Variants in SNX27 observed in about 807,000 individuals in gnomAD.
The protein encoded by SNX27 is sorting nexin 27.
In SNX27, 22 loss-of-function variants were observed where a neutral mutation model predicts 71.6. That is an observed-to-expected ratio of 0.31 (90% CI 0.22 to 0.44). The LOEUF is 0.44. Ranked by LOEUF, SNX27 falls within the 20% of genes least tolerant of loss-of-function variation. The pLI is 1.00. For missense variants in SNX27, 531 were observed against 698.6 expected (o/e 0.76, Z 2.70); for synonymous variants, 269 against 277.2 (o/e 0.97, Z 0.29).
intron 1 of SNX27, among the ~76,000 whole-genome samples, chr1:151,625,248 T>A (rs1396700236): frequency 2.0e-5 from 3 of 152,094 alleles, no homozygotes; most frequent in African/African-American, 7.2e-5. Context: ...GGCTGACGCC[T>A]GTAATCCCAG....
chr1:151,652,927 C>CTTTTTT (rs34826631), intron 2 of SNX27, among the ~76,000 whole-genome samples: 1 of 109,484 alleles, frequency 9.1e-6, no homozygotes, highest in African/African-American at 3.2e-5. Context: ...TGTTGGGTTT[C>CTTTTTT]TTTTTTTTTT....
chr1:151,690,250 G>A (rs140425506), intron 8 of SNX27, among the ~76,000 whole-genome samples: 23 of 152,240 alleles, frequency 1.5e-4, no homozygotes, highest in African/African-American at 5.5e-4. Flanking sequence ...TGCCATTCAT[G>A]TTGCCTCTAT....
chr1:151,617,405 A>T (rs1351736136), intron 1 of SNX27, among the ~76,000 whole-genome samples: 1 of 152,108 alleles, frequency 6.6e-6, no homozygotes, highest in Admixed American at 6.6e-5. Flanking sequence ...CAGCTTCCCA[A>T]GCAGCTGGGA....
chr1:151,672,296 C>T (rs1394567933), intron 7 of SNX27, among the ~76,000 whole-genome samples: 3 of 152,140 alleles, frequency 2.0e-5, no homozygotes, highest in Non-Finnish European at 4.4e-5. Flanking sequence ...TGCTGTGTCA[C>T]ATTGATTGAT....
At chr1:151,617,980 C>T (rs769071836) in intron 1 of SNX27, among the ~76,000 whole-genome samples, 31 of 147,764 alleles carry the variant, frequency 2.1e-4, no homozygotes, top group Non-Finnish European at 3.9e-4. Context: ...CTCAGCCTTC[C>T]GAGTAGCTGG....
intron 2 of SNX27, among the ~76,000 whole-genome samples, chr1:151,650,170 C>T (rs866551143): frequency 1.1e-4 from 17 of 152,144 alleles, no homozygotes; most frequent in African/African-American, 3.1e-4. Flanking sequence ...TTACAGGTGT[C>T]GGCCACCGCA....
intron 8 of SNX27, among the ~76,000 whole-genome samples, chr1:151,691,383 A>T (rs182486089): frequency 8.6e-4 from 131 of 152,198 alleles, no homozygotes; most frequent in Non-Finnish European, 1.6e-3. Context: ...GACTAAACAG[A>T]ATTGTGAGAC....
chr1:151,696,651 G>GTTTTTT lies in SNX27; in HGVS notation c.*2247_*2252dup, dbSNP rs5777782. The GTTTTTT allele has an allele frequency of 1.8e-5, 2 of 113,680 alleles. No homozygotes were observed. The highest frequency in any genetic ancestry group is 7.2e-5 in the African/African-American group (2 of 27,854). 7.0% of individuals were successfully genotyped at this position (113,680 alleles called of 1,614,324 possible). ...CCCCTTCCTTCCTTCCTTTTTTTCT[G>GTTTTTT]TTTTTTTTTTTTTTTTTTCCCAGAG... On this transcript the variant is annotated 3_prime_UTR_variant, in exon 12 of 12. Coordinates refer to ENST00000458013, the MANE Select transcript of SNX27 (RefSeq NM_001330723.2).
chr1:151,672,527 CCCT>C (rs1198478989), intron 7 of SNX27, among the ~76,000 whole-genome samples: 1 of 151,876 alleles, frequency 6.6e-6, no homozygotes, highest in Non-Finnish European at 1.5e-5. Context: ...TAGAAGTATT[CCCT>C]CCTCCTCTCT....
At chr1:151,690,248 A>C (rs568733155) in intron 8 of SNX27, among the ~76,000 whole-genome samples, 14 of 152,204 alleles carry the variant, frequency 9.2e-5, no homozygotes, top group African/African-American at 3.4e-4. Context: ...TCTGCCATTC[A>C]TGTTGCCTCT....
intron 1 of SNX27, among the ~76,000 whole-genome samples, chr1:151,636,099 A>G (rs1255946201): frequency 6.6e-6 from 1 of 152,198 alleles, no homozygotes; most frequent in Non-Finnish European, 1.5e-5. Context: ...TAGGCACATA[A>G]AAAGAATTTT....
chr1:151,666,403 A>G (rs1359500675), intron 6 of SNX27: 1 of 156,888 alleles, frequency 6.4e-6, no homozygotes, highest in African/African-American at 2.4e-5. Context: ...AGTTAGGAAG[A>G]TATGTGTTGG....
chr1:151,672,960 A>G (rs1388609503), intron 7 of SNX27, among the ~76,000 whole-genome samples: 2 of 143,706 alleles, frequency 1.4e-5, no homozygotes, highest in South Asian at 4.3e-4. Flanking sequence ...GTATTTTTTT[A>G]TTTCAATTTA....
chr1:151,670,735 G>A (rs1015588759), intron 7 of SNX27, among the ~76,000 whole-genome samples: 1 of 151,890 alleles, frequency 6.6e-6, no homozygotes, highest in Admixed American at 6.6e-5. Flanking sequence ...TCTGTGAGTT[G>A]CTTTTTCACT....
intron 2 of SNX27, among the ~76,000 whole-genome samples, chr1:151,651,453 CT>C (rs1669365639): frequency 6.7e-6 from 1 of 150,076 alleles, no homozygotes. Context: ...GATGGGGCGG[CT>C]GCCGGGCAGA....
At chr1:151,675,549 T>TTGTTC (rs775525296) in intron 7 of SNX27, among the ~76,000 whole-genome samples, 13 of 150,564 alleles carry the variant, frequency 8.6e-5, no homozygotes, top group Non-Finnish European at 1.6e-4. Flanking sequence ...CAGAGTTTTT[T>TTGTTC]TGTTTTGTTT....
intron 1 of SNX27, chr1:151,613,093 T>A (rs1010360311): frequency 6.6e-6 from 1 of 152,494 alleles, no homozygotes; most frequent in Non-Finnish European, 1.5e-5. Flanking sequence ...CTTTCCTTAG[T>A]TACCCTCTCC....
chr1:151,670,965 G>A (rs1670431437), intron 7 of SNX27, among the ~76,000 whole-genome samples: 1 of 152,094 alleles, frequency 6.6e-6, no homozygotes, highest in Non-Finnish European at 1.5e-5. Context: ...TTTTGTATAT[G>A]GCAAGAGTTA....
At chr1:151,624,356 T>G (rs1667818916) in intron 1 of SNX27, among the ~76,000 whole-genome samples, 1 of 151,304 alleles carries the variant, frequency 6.6e-6, no homozygotes, top group Non-Finnish European at 1.5e-5. Flanking sequence ...ACATTGGCTT[T>G]TCAGGTAATG....
Sources: gnomAD v4.1 joint callset for allele counts (sites outside exome capture counted in the v4.1 genomes callset) on GRCh38, gnomAD v4.1.1 for gene constraint, MANE v1.5 for transcripts, NCBI Gene and HGNC (gene_info 2026-07-23, HGNC 2026-07-21) for gene names.